The following ME1 variants were observed in gnomAD, a reference collection of about 807,000 sequenced individuals.
ME1 encodes NADP-dependent malic enzyme.
Under a neutral mutation model 66.4 loss-of-function variants are expected in ME1, and 74 were observed. The observed-to-expected ratio is 1.11, with a 90% CI of 0.92 to 1.35. The LOEUF is 1.35. Ranked by LOEUF, ME1 falls within the 40% of genes most tolerant of loss-of-function variation. The probability of loss-of-function intolerance (pLI) is 0.00; values close to 1 mark genes in which losing one functional copy is unlikely to be tolerated. For synonymous variants in ME1, 251 were observed against 235.6 expected, an observed-to-expected ratio of 1.07 and a Z score of -0.60; for missense variants, 750 against 694.1, an observed-to-expected ratio of 1.08 and a Z score of -0.90.
At chr6:83,315,466 T>C in intron 5 of ME1, 53 bp from the exon 6 acceptor site, 2 of 1,055,078 alleles carry the variant, frequency 1.9e-6, no homozygotes, top group Non-Finnish European at 2.9e-6. Context: ...AAATCATTTA[T>C]TGAGCCTCAG....
chr6:83,412,279 G>C (rs1397476591), intron 1 of ME1, among the ~76,000 whole-genome samples: 4 of 151,900 alleles, frequency 2.6e-5, no homozygotes, highest in African/African-American at 9.7e-5. Context: ...AGATCTTTAA[G>C]ACAATTAATC....
chr6:83,411,139 G>A (rs1205008784), intron 1 of ME1, among the ~76,000 whole-genome samples: 3 of 152,208 alleles, frequency 2.0e-5, no homozygotes, highest in African/African-American at 7.2e-5. Flanking sequence ...AGCACTTTGG[G>A]AGGCCAGGGC....
At chr6:83,401,373 T>C (rs1043467517) in intron 2 of ME1, among the ~76,000 whole-genome samples, 2 of 152,144 alleles carry the variant, frequency 1.3e-5, no homozygotes, top group African/African-American at 4.8e-5. Flanking sequence ...GTAAATTTCA[T>C]GAGGTCAGAG....
intron 3 of ME1, among the ~76,000 whole-genome samples, chr6:83,374,263 C>T (rs1583406495): frequency 6.6e-6 from 1 of 152,226 alleles, no homozygotes; most frequent in East Asian, 1.9e-4. Context: ...ACCAGCATCT[C>T]TTGTTTCTTG....
intron 2 of ME1, among the ~76,000 whole-genome samples, chr6:83,406,611 G>A (rs1239693615): frequency 3.9e-5 from 6 of 152,176 alleles, no homozygotes; most frequent in Middle Eastern, 6.8e-3. Context: ...GAATTTGCAG[G>A]GGGACACAAA....
At chr6:83,409,874 C>T (rs939284325) in intron 1 of ME1, among the ~76,000 whole-genome samples, 7 of 152,226 alleles carry the variant, frequency 4.6e-5, no homozygotes, top group African/African-American at 1.7e-4. Context: ...GTTGGGCGTC[C>T]TCTGAAGTTC....
At chr6:83,392,981 G>A in intron 3 of ME1, 2 of 884,980 alleles carry the variant, frequency 2.3e-6, no homozygotes, top group Non-Finnish European at 3.7e-6. Context: ...GCTCCTATGG[G>A]AAACTGTGGG....
At chr6:83,388,091 C>CTT (rs57683304) in intron 3 of ME1, among the ~76,000 whole-genome samples, 2 of 133,392 alleles carry the variant, frequency 1.5e-5, no homozygotes, top group African/African-American at 2.8e-5. Context: ...TCCTTCCTTC[C>CTT]TTTTTTTTTT....
chr6:83,380,324 A>G (rs1354574911), intron 3 of ME1, among the ~76,000 whole-genome samples: 1 of 152,110 alleles, frequency 6.6e-6, no homozygotes, highest in Non-Finnish European at 1.5e-5. Context: ...ATCCTTGAAT[A>G]TCATGCTAAA....
At position 83,300,610 on chromosome 6, in the gene ME1, C is replaced by CTTTTTTT. The variant is rs35205380; in HGVS notation, c.704+14693_704+14699dup. On this transcript the variant is annotated intron_variant, in intron 6 of 13. Coordinates refer to ENST00000369705, the MANE Select transcript of ME1 (RefSeq NM_002395.6). ...TTCTTTTATTTTCCTTTCTTTCTTT[C>CTTTTTTT]TTTTTTTTTTTTTTTTTTTTTTTGA... Among the ~76,000 whole-genome samples the CTTTTTTT allele has an allele frequency of 3.2e-3, 276 of 84,926 alleles. 1 individual carries two copies. The highest frequency in any genetic ancestry group is 5.2e-3 in the East Asian group (14 of 2,674). 55.7% of individuals were successfully genotyped at this position (84,926 alleles called of 152,430 possible).
chr6:83,381,204 A>C (rs1484882460), intron 3 of ME1, among the ~76,000 whole-genome samples: 1 of 152,064 alleles, frequency 6.6e-6, no homozygotes, highest in Non-Finnish European at 1.5e-5. Flanking sequence ...TTTTAATTAA[A>C]AAATAGGTGC....
At chr6:83,292,828 G>A (rs191973903) in intron 6 of ME1, among the ~76,000 whole-genome samples, 2 of 152,172 alleles carry the variant, frequency 1.3e-5, no homozygotes, top group East Asian at 1.9e-4. Context: ...GCATAGAACC[G>A]CCTACTCAAG....
intron 2 of ME1, among the ~76,000 whole-genome samples, chr6:83,398,953 C>T (rs992624340): frequency 5.3e-5 from 8 of 151,942 alleles, no homozygotes; most frequent in Non-Finnish European, 1.0e-4. Flanking sequence ...GCTAGGATTA[C>T]GAGGGCATGC....
At chr6:83,360,222 C>A (rs1409776912) in intron 3 of ME1, among the ~76,000 whole-genome samples, 1 of 152,180 alleles carries the variant, frequency 6.6e-6, no homozygotes, top group Non-Finnish European at 1.5e-5. Context: ...ACATTACCGA[C>A]AATTTATGCA....
intron 5 of ME1, among the ~76,000 whole-genome samples, chr6:83,331,529 T>G (rs1768409619): frequency 6.8e-6 from 1 of 146,916 alleles, no homozygotes. Context: ...GAGGTTGCAG[T>G]GAGCTGAGAT....
intron 4 of ME1, among the ~76,000 whole-genome samples, chr6:83,348,776 T>A (rs1474120570): frequency 6.7e-6 from 1 of 149,832 alleles, no homozygotes; most frequent in Non-Finnish European, 1.5e-5. Context: ...TCACCTGAGG[T>A]CAGGAGTTCA....
intron 7 of ME1, among the ~76,000 whole-genome samples, chr6:83,246,592 C>G (rs918591726): frequency 6.6e-6 from 1 of 152,018 alleles, no homozygotes; most frequent in Non-Finnish European, 1.5e-5. Flanking sequence ...ATATTCCATA[C>G]TATGGGTATA....
intron 3 of ME1, chr6:83,392,761 G>A: frequency 1.5e-6 from 1 of 667,050 alleles, no homozygotes. Context: ...GGAGGGAGGA[G>A]CCAAAACGGT....
intron 5 of ME1, among the ~76,000 whole-genome samples, chr6:83,328,090 G>A (rs1361832653): frequency 6.6e-6 from 1 of 152,136 alleles, no homozygotes; most frequent in African/African-American, 2.4e-5. Context: ...TGTTAGACTG[G>A]ATAAAGAAAA....
Sources: allele counts gnomAD v4.1 joint callset (sites outside exome capture counted in the v4.1 genomes callset), GRCh38; gene constraint gnomAD v4.1.1; transcripts MANE v1.5; gene names NCBI Gene and HGNC (gene_info 2026-07-23, HGNC 2026-07-21).